Variants in AKAP12 observed in about 807,000 individuals in gnomAD.
The protein encoded by AKAP12 is A-kinase anchoring protein 12, also known as A-kinase anchor protein 12.
AKAP12 carries 32 observed loss-of-function variants against 79.9 expected under a neutral mutation model. The observed-to-expected ratio is 0.40, with a 90% CI of 0.30 to 0.54. The LOEUF is 0.54. Ranked by LOEUF, AKAP12 falls within the 20% of genes least tolerant of loss-of-function variation. The pLI is 0.48. For missense variants in AKAP12, 2,074 were observed against 2,177.0 expected, an observed-to-expected ratio of 0.95 and a Z score of 0.94; for synonymous variants, 808 against 857.0, an observed-to-expected ratio of 0.94 and a Z score of 1.00.
Position 151,350,750 on chromosome 6 carries a change from T to G in AKAP12, c.2359T>G (p.Ser787Ala). ...GAAAAGCGAAGACTCCATAGCTGGGTCTGGTGTAGAACATTCCACTCCAGA... is the reference window on the plus strand; with the variant it reads ...GAAAAGCGAAGACTCCATAGCTGGGGCTGGTGTAGAACATTCCACTCCAGA... Reference protein sequence around the residue: ...EEKSEDSIAGSGVEHSTPDTE... With the variant: ...EEKSEDSIAGAGVEHSTPDTE... Residue 787 changes from serine (S) to alanine (A), a missense_variant, in exon 4 of 5, where the codon TCT (serine) becomes GCT (alanine). Physicochemically the swap from Ser to Ala is moderately conservative, Grantham distance 99. This residue lies in a region of AKAP12 where 1,428 missense variants were observed against 1,451.0 expected (regional missense o/e 0.98). Transcript: ENST00000402676. The surrounding 1 kb of genome is among the most constrained non-coding windows in gnomAD (Gnocchi z 4.8). 6.2e-7 allele frequency: 1 copy of G among 1,613,420 alleles called. No individual in the cohort carries two copies. The highest frequency in any genetic ancestry group is 8.5e-7 in the Non-Finnish European group (1 of 1,179,880).
chr6:151,278,505 C>T (rs1348576323), intron 2 of AKAP12, among the ~76,000 whole-genome samples: 1 of 152,122 alleles, frequency 6.6e-6, no homozygotes, highest in Non-Finnish European at 1.5e-5. Context: ...CTTGAGCCAC[C>T]GCACCTGGCT....
chr6:151,290,448 A>G (rs1283937054), intron 2 of AKAP12, among the ~76,000 whole-genome samples: 1 of 152,038 alleles, frequency 6.6e-6, no homozygotes, highest in African/African-American at 2.4e-5. Context: ...TTAGACATCC[A>G]TGCCACTGGG....
At chr6:151,251,560 A>G (rs1281276314) in intron 2 of AKAP12, among the ~76,000 whole-genome samples, 2 of 152,212 alleles carry the variant, frequency 1.3e-5, no homozygotes, top group Non-Finnish European at 2.9e-5. Context: ...TATTTCTCCA[A>G]TAGTCTGACA....
chr6:151,328,315 G>C (rs368481492), intron 3 of AKAP12, among the ~76,000 whole-genome samples: 2 of 119,100 alleles, frequency 1.7e-5, no homozygotes, highest in Non-Finnish European at 3.4e-5. Context: ...GCGACAGAGC[G>C]AGACTCCATC....
Position 151,264,237 on chromosome 6 carries a change from A to G in AKAP12, c.162+23513A>G, listed in dbSNP as rs79143775. On this transcript the variant is annotated intron_variant, in intron 2 of 4. Coordinates refer to ENST00000402676, the MANE Select transcript of AKAP12 (RefSeq NM_005100.4). ...AAGGAGACGTGAATGAACTGCTGAC[A>G]TTCCTTGAGGACAAGAGGCCAAAGC... Among the ~76,000 whole-genome samples, 1,156 of 152,234 alleles carry G rather than the reference A, an allele frequency of 7.6e-3. 23 individuals are homozygous for G. Among genetic ancestry groups the G allele is most frequent in the African/African-American group, 0.026 (1,097 of 41,548 alleles).
At chr6:151,344,246 T>C (rs984737917) in intron 3 of AKAP12, among the ~76,000 whole-genome samples, 6 of 152,200 alleles carry the variant, frequency 3.9e-5, no homozygotes, top group Admixed American at 1.3e-4. Flanking sequence ...CTATCTTAGA[T>C]ACTGATGGCA....
rs1247867265 is a variant in AKAP12 at position 151,349,125 on chromosome 6, G to A, written c.734G>A (p.Arg245His). 6 of 1,613,682 alleles carry A rather than the reference G, an allele frequency of 3.7e-6. No individual in the cohort carries two copies. Among genetic ancestry groups the A allele is most frequent in the African/African-American group, 1.3e-5 (1 of 74,852 alleles). ...STEKPEETLKREQSHAEISPP... is the reference protein window; with the variant it reads ...STEKPEETLKHEQSHAEISPP... ...GAGAAACCCGAAGAGACCCTGAAGC[G>A]TGAGCAAAGCCACGCAGAAATTTCT... Residue 245 changes from arginine to histidine, a missense_variant, in exon 4 of 5, where the codon CGT becomes CAT. By Grantham distance (29) the Arg-to-His change is conservative (BLOSUM62 0). Around this residue, in one of 3 missense-constraint regions of AKAP12, gnomAD observed 1,428 missense variants for 1,451.0 expected, o/e 0.98. Transcript: ENST00000402676.
chr6:151,325,295 A>T (rs1404577978), intron 3 of AKAP12: 7 of 985,358 alleles, frequency 7.1e-6, no homozygotes, highest in Non-Finnish European at 8.4e-6. Flanking sequence ...AAATGGAGGG[A>T]GAATTTACTG....
intron 2 of AKAP12, among the ~76,000 whole-genome samples, chr6:151,265,773 C>G (rs918450885): frequency 3.3e-5 from 5 of 152,160 alleles, no homozygotes; most frequent in Non-Finnish European, 7.3e-5. Flanking sequence ...ACCAGAGGAA[C>G]CATAGTTAAT....
intron 2 of AKAP12, among the ~76,000 whole-genome samples, chr6:151,245,388 C>T (rs1479712318): frequency 6.6e-6 from 1 of 151,616 alleles, no homozygotes; most frequent in Non-Finnish European, 1.5e-5. Context: ...CTTTGCCTCC[C>T]AGGTTCAAGC....
rs146830468 is a variant in AKAP12, at chr6:151,270,509, T to C, written c.162+29785T>C. Among the ~76,000 whole-genome samples, 426 of 152,370 alleles carry C rather than the reference T, an allele frequency of 2.8e-3. 5 individuals are homozygous for C. The highest frequency in any genetic ancestry group is 9.7e-3 in the African/African-American group (403 of 41,596). On this transcript the variant is annotated intron_variant, in intron 2 of 4. Coordinates refer to ENST00000402676, the MANE Select transcript of AKAP12 (RefSeq NM_005100.4). ...GCTATGAACACTAATGTACAATTCT[T>C]TGCCTGAACGTAAATGTTTTCATTT...
chr6:151,261,882 A>T (rs17756953), intron 2 of AKAP12, among the ~76,000 whole-genome samples: 8,651 of 151,862 alleles, frequency 0.057, 394 homozygotes, highest in Admixed American at 0.16. Context: ...ATAATAATTT[A>T]AAAAACTCAC....
chr6:151,340,231 G>C (rs1016730270), intron 3 of AKAP12, among the ~76,000 whole-genome samples: 1 of 145,046 alleles, frequency 6.9e-6, no homozygotes, highest in African/African-American at 2.5e-5. Flanking sequence ...CGCGCCCAGC[G>C]GTGGTTTTTT....
rs753489827 is a variant in AKAP12, at chr6:151,348,891, C to A, written c.500C>A (p.Ala167Asp). The A allele has an allele frequency of 6.2e-7, 1 of 1,614,086 alleles. No homozygotes were observed. Among genetic ancestry groups the A allele is most frequent in the Admixed American group, 1.7e-5 (1 of 60,022 alleles). ...EELTQPTESQ[A>D]NDIGFKKVFK... ...CTAACACAACCCACTGAGTCCCAGG[C>A]TAATGATATTGGATTTAAGAAGGTG... Residue 167 changes from alanine to aspartate, a missense_variant, in exon 4 of 5, where the codon GCT (alanine) becomes GAT (aspartate). By Grantham distance (126) the Ala-to-Asp change is moderately radical. Around this residue, in one of 3 missense-constraint regions of AKAP12, gnomAD observed 1,428 missense variants for 1,451.0 expected, o/e 0.98. Transcript: ENST00000402676.
intron 2 of AKAP12, among the ~76,000 whole-genome samples, chr6:151,297,588 A>AAG (rs1710394738): frequency 6.7e-6 from 1 of 149,106 alleles, no homozygotes; most frequent in Non-Finnish European, 1.5e-5. Flanking sequence ...AAAAAAAAAA[A>AAG]AAGGCTACTG....
chr6:151,250,217 G>A (rs1797147592), intron 2 of AKAP12, among the ~76,000 whole-genome samples: 1 of 152,056 alleles, frequency 6.6e-6, no homozygotes, highest in Admixed American at 6.6e-5. Flanking sequence ...TAAATAAATA[G>A]GCTGGGCGTT....
intron 2 of AKAP12, among the ~76,000 whole-genome samples, chr6:151,266,732 G>T (rs187764680): frequency 1.3e-5 from 2 of 152,290 alleles, no homozygotes; most frequent in East Asian, 1.9e-4. Flanking sequence ...GATCAGTTCA[G>T]TGAATCATGT....
At position 151,352,652 on chromosome 6, in the gene AKAP12, C is replaced by T; in HGVS notation, c.4261C>T (p.Leu1421=). 6.2e-7 allele frequency: 1 copy of T among 1,614,184 alleles called. No homozygotes were observed. The highest frequency in any genetic ancestry group is 8.5e-7 in the Non-Finnish European group (1 of 1,180,044). Residue 1421 remains leucine, a synonymous_variant, in exon 4 of 5, where the codon CTA becomes TTA. Transcript: ENST00000402676. ...TCAGAGCTCTGAGGCATCATTCACTCTAACAGCGGCTGCAGAGGAGGAAAA... is the reference window on the plus strand; with the variant it reads ...TCAGAGCTCTGAGGCATCATTCACTTTAACAGCGGCTGCAGAGGAGGAAAA... ...QVQSSEASFT[L]TAAAEEEKVL...
At chr6:151,290,019 C>T (rs561653887) in intron 2 of AKAP12, among the ~76,000 whole-genome samples, 71 of 152,152 alleles carry the variant, frequency 4.7e-4, no homozygotes, top group Admixed American at 1.2e-3. Flanking sequence ...TAGAAGGTAA[C>T]GCATCCGATG....
Sources: gnomAD v4.1 joint callset for allele counts (sites outside exome capture counted in the v4.1 genomes callset) on GRCh38, gnomAD v4.1.1 for gene constraint, gnomAD v4.1.1 regional missense constraint, Gnocchi (gnomAD v3.1) non-coding constraint, MANE v1.5 for transcripts, NCBI Gene and HGNC (gene_info 2026-07-23, HGNC 2026-07-21) for gene names.